The following ACTR3 variants were observed in gnomAD, a reference collection of about 807,000 sequenced individuals.
ACTR3 encodes actin-related protein 3.
ACTR3 carries 12 observed loss-of-function variants against 56.8 expected under a neutral mutation model. The ratio of observed to expected loss-of-function variants is 0.21; its 90% CI spans 0.14 to 0.34. The LOEUF is 0.34. Ranked by LOEUF, ACTR3 falls within the 10% of genes least tolerant of loss-of-function variation. The pLI, the probability that ACTR3 is intolerant of heterozygous loss-of-function variation, is 1.00. For missense variants in ACTR3, 282 were observed against 512.5 expected (o/e 0.55, Z 4.34); for synonymous variants, 162 against 167.4 (o/e 0.97, Z 0.25).
intron 11 of ACTR3, among the ~76,000 whole-genome samples, chr2:113,956,005 A>G (rs548848711): frequency 2.9e-4 from 44 of 152,212 alleles, no homozygotes; most frequent in African/African-American, 7.7e-4. Context: ...TTGGCCTCCC[A>G]AAGCAAAGTG....
At chr2:113,903,675 G>T (rs1422231638) in intron 1 of ACTR3, among the ~76,000 whole-genome samples, 1 of 151,172 alleles carries the variant, frequency 6.6e-6, no homozygotes, top group African/African-American at 2.4e-5. Flanking sequence ...TTTATTTTTA[G>T]TAGAGATGGA....
intron 1 of ACTR3, among the ~76,000 whole-genome samples, chr2:113,905,495 A>G (rs183903245): frequency 3.6e-4 from 55 of 151,718 alleles, no homozygotes; most frequent in African/African-American, 1.3e-3. Flanking sequence ...TTTTTGTGGT[A>G]TAATACTCAT....
rs549811623 is a variant in ACTR3 at position 113,901,371 on chromosome 2, G to T, written c.44+11048G>T. On this transcript the variant is annotated intron_variant, in intron 1 of 11. Coordinates refer to ENST00000263238, the MANE Select transcript of ACTR3 (RefSeq NM_005721.5). ...GAAACTCTGTTTCAGCAACAACAAA[G>T]TTTCTAACACCAAATTACCTTTTTG... 3.9e-5 allele frequency among the ~76,000 whole-genome samples: 6 copies of T among 152,296 alleles called. No individual in the cohort carries two copies. In the East Asian group the frequency reaches 1.2e-3, roughly 29 times the overall value.
intron 5 of ACTR3, among the ~76,000 whole-genome samples, chr2:113,932,198 T>C (rs1196087145): frequency 1.3e-5 from 2 of 152,368 alleles, no homozygotes; most frequent in East Asian, 3.9e-4. Context: ...AACTTTTTAA[T>C]GTTTAATGCA....
chr2:113,907,883 A>G (rs1679225719), intron 1 of ACTR3, among the ~76,000 whole-genome samples: 1 of 151,312 alleles, frequency 6.6e-6, no homozygotes, highest in African/African-American at 2.4e-5. Flanking sequence ...AAGGCAGGAA[A>G]ATCGCTTCAA....
intron 1 of ACTR3, among the ~76,000 whole-genome samples, chr2:113,891,672 G>A (rs932064057): frequency 6.7e-6 from 1 of 149,598 alleles, no homozygotes. Flanking sequence ...TTAAAAGATT[G>A]TGTGTCCTTC....
At chr2:113,912,917 GACCTTGATTGTGTATTATTTC>G (rs72380001) in intron 1 of ACTR3, among the ~76,000 whole-genome samples, 26,420 of 151,894 alleles carry the variant, frequency 0.17, 4,071 homozygotes, top group African/African-American at 0.39. Flanking sequence ...TGTAGCTAAT[GACCTTGATTGTGTATTATTTC>G]ACATATATTC....
chr2:113,913,089 T>G, intron 1 of ACTR3, 83 bp from the exon 2 acceptor site: 1 of 943,916 alleles, frequency 1.1e-6, no homozygotes, highest in Non-Finnish European at 1.6e-6. Flanking sequence ...GGAATCTCAC[T>G]TCATAACAAA....
At chr2:113,901,166 A>C (rs1023778269) in intron 1 of ACTR3, among the ~76,000 whole-genome samples, 1 of 152,176 alleles carries the variant, frequency 6.6e-6, no homozygotes, top group African/African-American at 2.4e-5. Flanking sequence ...TAAAAACACA[A>C]AATTAGCTGG....
chr2:113,952,196 TGA>T (rs1232016043), intron 10 of ACTR3: 1 of 185,260 alleles, frequency 5.4e-6, no homozygotes, highest in African/African-American at 2.4e-5. Flanking sequence ...ACAGCAAAGC[TGA>T]GTTGAGATTG....
chr2:113,951,701 T>C lies in ACTR3; in HGVS notation c.952-19T>C, dbSNP rs1680123948. On this transcript the variant is annotated intron_variant, in intron 9 of 11. Coordinates refer to ENST00000263238, the MANE Select transcript of ACTR3 (RefSeq NM_005721.5). ...AACTTTTCTCTTTTTAAATATTATA[T>C]TTATTTTCTCTCCACTAGAATATTG... 1.0e-5 allele frequency: 16 copies of C among 1,545,484 alleles called. No homozygotes were observed. Among genetic ancestry groups the C allele is most frequent in the Non-Finnish European group, 1.1e-5 (13 of 1,140,364 alleles).
intron 3 of ACTR3, among the ~76,000 whole-genome samples, chr2:113,921,871 C>T (rs1679518047): frequency 6.6e-6 from 1 of 152,072 alleles, no homozygotes; most frequent in Non-Finnish European, 1.5e-5. Context: ...GTTGACATTA[C>T]CTAGGGGAAC....
intron 8 of ACTR3, among the ~76,000 whole-genome samples, chr2:113,949,932 T>C (rs1410531724): frequency 6.6e-6 from 1 of 152,206 alleles, no homozygotes; most frequent in Non-Finnish European, 1.5e-5. Flanking sequence ...GCCAGCTGTT[T>C]GGAAATAGTA....
chr2:113,890,178 C>T lies in ACTR3; in HGVS notation c.-102C>T. 6.8e-7 allele frequency: 1 copy of T among 1,478,100 alleles called. No individual in the cohort carries two copies. Among genetic ancestry groups the T allele is most frequent in the Non-Finnish European group, 9.2e-7 (1 of 1,081,998 alleles). 91.6% of individuals were successfully genotyped at this position (1,478,100 alleles called of 1,614,324 possible). ...TACCCCCCGGACGGTGAAGGCGGCCCAGCTGTGGATGGTCAGATAGCCCTT... is the reference window on the plus strand; with the variant it reads ...TACCCCCCGGACGGTGAAGGCGGCCTAGCTGTGGATGGTCAGATAGCCCTT... On this transcript the variant is annotated 5_prime_UTR_variant, in exon 1 of 12. Coordinates refer to ENST00000263238, the MANE Select transcript of ACTR3 (RefSeq NM_005721.5).
chr2:113,894,710 G>T (rs532475327), intron 1 of ACTR3, among the ~76,000 whole-genome samples: 92 of 152,192 alleles, frequency 6.0e-4, no homozygotes, highest in Non-Finnish European at 9.8e-4. Context: ...GAAAGGTCCT[G>T]TGGAGGACCT....
intron 5 of ACTR3, among the ~76,000 whole-genome samples, chr2:113,933,677 ATTTT>A (rs1167918809): frequency 5.7e-5 from 7 of 123,812 alleles, no homozygotes; most frequent in Non-Finnish European, 8.1e-5. Context: ...GTTCTATACA[ATTTT>A]TTTTTTTTTT....
intron 6 of ACTR3, among the ~76,000 whole-genome samples, chr2:113,938,564 C>T (rs1293537565): frequency 1.3e-5 from 2 of 152,218 alleles, no homozygotes. Context: ...CAATATTCTT[C>T]TGAGGACTCT....
chr2:113,944,923 T>C (rs13396086), intron 8 of ACTR3, among the ~76,000 whole-genome samples: 45,211 of 151,992 alleles, frequency 0.3, 11,070 homozygotes, highest in African/African-American at 0.67. Context: ...AATAGTGTCC[T>C]CTCGCCTCCC....
intron 1 of ACTR3, among the ~76,000 whole-genome samples, chr2:113,902,569 T>G (rs534610300): frequency 6.6e-6 from 1 of 152,020 alleles, no homozygotes; most frequent in East Asian, 1.9e-4. Context: ...AACTTGTTTC[T>G]CTAGATCACA....
Sources: allele counts gnomAD v4.1 joint callset (sites outside exome capture counted in the v4.1 genomes callset), GRCh38; gene constraint gnomAD v4.1.1; transcripts MANE v1.5; gene names NCBI Gene and HGNC (gene_info 2026-07-23, HGNC 2026-07-21).